The following HK2 variants were observed in gnomAD, a reference collection of about 807,000 sequenced individuals.
The protein encoded by HK2 is hexokinase-2.
HK2 carries 42 observed loss-of-function variants against 92.9 expected under a neutral mutation model. That is an observed-to-expected ratio of 0.45 (90% confidence interval 0.35 to 0.58). The LOEUF (loss-of-function observed/expected upper bound fraction) is 0.58. HK2 is among the 20% of genes least tolerant of loss of function. HK2 has a pLI of 0.00. For synonymous variants in HK2, 422 were observed against 468.0 expected (o/e 0.90, Z 1.27); for missense variants, 978 against 1,245.1 (o/e 0.79, Z 3.23).
chr2:74,877,082 C>T (rs750828308), intron 7 of HK2, 84 bp from the exon 8 acceptor site: 316 of 1,553,996 alleles, frequency 2.0e-4, no homozygotes, highest in African/African-American at 1.8e-3. Flanking sequence ...TGAAGTTGCA[C>T]GTGTGCGCAT....
At chr2:74,840,130 A>G (rs1331504509) in intron 1 of HK2, among the ~76,000 whole-genome samples, 2 of 148,528 alleles carry the variant, frequency 1.3e-5, no homozygotes, top group African/African-American at 2.5e-5. Context: ...TAATTTTTTT[A>G]TATCTTTAGT....
intron 1 of HK2, 101 bp from the exon 2 acceptor site, chr2:74,854,192 G>A (rs1365330340): frequency 5.5e-5 from 60 of 1,096,370 alleles, no homozygotes; most frequent in Non-Finnish European, 7.8e-5. Context: ...GTACATAACA[G>A]ATTTTGTTCT....
chr2:74,860,182 T>G (rs1055434413), intron 2 of HK2, among the ~76,000 whole-genome samples: 5 of 13,978 alleles, frequency 3.6e-4, no homozygotes, highest in Admixed American at 1.2e-3. Flanking sequence ...GGTAGGAGGG[T>G]GGGGGGCATG....
At chr2:74,867,895 A>G (rs1688998515) in intron 3 of HK2, 111 bp downstream of exon 3, 1 of 1,242,286 alleles carries the variant, frequency 8.0e-7, no homozygotes, top group African/African-American at 1.5e-5. Flanking sequence ...CACCCAAGAC[A>G]CTCATGGATG....
At chr2:74,848,543 A>G (rs1313849252) in intron 1 of HK2, among the ~76,000 whole-genome samples, 1 of 152,150 alleles carries the variant, frequency 6.6e-6, no homozygotes, top group Non-Finnish European at 1.5e-5. Flanking sequence ...ATGCCATAAC[A>G]TGGAAGATGC....
At chr2:74,857,979 C>T (rs1469568739) in intron 2 of HK2, among the ~76,000 whole-genome samples, 2 of 152,174 alleles carry the variant, frequency 1.3e-5, no homozygotes, top group East Asian at 3.9e-4. Context: ...CTGTTCAGTG[C>T]CACCTTTCTC....
In HK2 at chr2:74,834,156, G is replaced by T; in HGVS notation, c.-425G>T. 2.9e-6 allele frequency: 1 copy of T among 344,304 alleles called. No homozygotes were observed. Among genetic ancestry groups the T allele is most frequent in the Admixed American group, 3.9e-5 (1 of 25,760 alleles). The allele number at this position is 344,304 out of a possible 1,614,324, so 21.3% of individuals were successfully genotyped here. The stretch of plus-strand genomic sequence containing the variant: ...TGTTGCATGAAACTCCGGCGCAGGA[G>T]TCCCGGGCTGCCGCTGGCAACATCG... On this transcript the variant is annotated 5_prime_UTR_variant, in exon 1 of 18. Transcript: ENST00000290573. The surrounding 1 kb of genome is among the most constrained non-coding windows in gnomAD (Gnocchi z 4.2).
At chr2:74,836,062 T>C (rs1688158964) in intron 1 of HK2, among the ~76,000 whole-genome samples, 1 of 152,208 alleles carries the variant, frequency 6.6e-6, no homozygotes, top group Non-Finnish European at 1.5e-5. Context: ...ATTCCTGGGA[T>C]GTGGCTCTGC....
At chr2:74,875,946 A>G (rs529500821) in intron 7 of HK2, among the ~76,000 whole-genome samples, 2 of 152,342 alleles carry the variant, frequency 1.3e-5, no homozygotes, top group Non-Finnish European at 1.5e-5. Flanking sequence ...AAGTCACTAC[A>G]GACAATTTTT....
intron 2 of HK2, among the ~76,000 whole-genome samples, chr2:74,855,931 A>G (rs3771782): frequency 0.18 from 26,636 of 152,044 alleles, 2,925 homozygotes; most frequent in East Asian, 0.32. Flanking sequence ...TTTAATCCTC[A>G]TAATAGGTGC....
rs1688472886 is a variant in HK2 at position 74,847,617 on chromosome 2, A to AAGGCTGCAGCCTAGGAGTTTG, written c.64-6666_64-6646dup. 3.9e-5 allele frequency among the ~76,000 whole-genome samples: 6 copies of AAGGCTGCAGCCTAGGAGTTTG among 152,248 alleles called. No individual in the cohort carries two copies. In the South Asian group the frequency reaches 8.3e-4, roughly 21 times the overall value. On this transcript the variant is annotated intron_variant, in intron 1 of 17. Transcript: ENST00000290573. ...GGAAGGATCATGAGCCCAGGAGTTT[A>AAGGCTGCAGCCTAGGAGTTTG]AGGCTGCAGCCTAGGAGTTTGAGGC... is the stretch of plus-strand genomic sequence containing the variant.
At position 74,886,676 on chromosome 2, in the gene HK2, A is replaced by C; in HGVS notation, c.2219+3A>C. ...TCACTCAACCCCGGCAAGCAGAGGTAGGCACCCAACTGGGGCCCTGTTAAG... is the reference window on the plus strand; with the variant it reads ...TCACTCAACCCCGGCAAGCAGAGGTCGGCACCCAACTGGGGCCCTGTTAAG... On this transcript the variant is annotated splice_donor_region_variant and intron_variant, in intron 15 of 17. Transcript: ENST00000290573. The C allele has an allele frequency of 1.2e-6, 2 of 1,613,840 alleles. No homozygotes were observed. Among genetic ancestry groups the C allele is most frequent in the Non-Finnish European group, 1.7e-6 (2 of 1,179,948 alleles).
intron 8 of HK2, among the ~76,000 whole-genome samples, chr2:74,877,998 A>G (rs1452616209): frequency 6.6e-6 from 1 of 152,170 alleles, no homozygotes; most frequent in South Asian, 2.1e-4. Context: ...AACAGTGCCA[A>G]TGACTTTGTT....
Position 74,877,196 on chromosome 2 carries a change from G to T in HK2, c.906G>T (p.Met302Ile), listed in dbSNP as rs777873822. The T allele has an allele frequency of 1.2e-6, 2 of 1,614,038 alleles. No homozygotes were observed. Among genetic ancestry groups the T allele is most frequent in the Admixed American group, 1.7e-5 (1 of 60,008 alleles). Residue 302 changes from methionine (M) to isoleucine (I), a missense_variant, in exon 8 of 18, where the codon ATG becomes ATT. Met to Ile is a conservative substitution (Grantham distance 10). Coordinates refer to ENST00000290573, the MANE Select transcript of HK2 (RefSeq NM_000189.5). ...LFEKMISGMY[M>I]GELVRLILVK... ...AGAAGATGATCAGTGGGATGTACATGGGGGAGCTGGTGAGGCTTATCCTGG... is the reference window on the plus strand; with the variant it reads ...AGAAGATGATCAGTGGGATGTACATTGGGGAGCTGGTGAGGCTTATCCTGG...
intron 2 of HK2, among the ~76,000 whole-genome samples, chr2:74,855,338 C>T (rs1394846989): frequency 6.6e-6 from 1 of 152,220 alleles, no homozygotes; most frequent in Non-Finnish European, 1.5e-5. Context: ...CAATACAAAC[C>T]TATTAAGCTT....
rs1205663276 is a variant in HK2 at position 74,881,737 on chromosome 2, C to T, written c.1597C>T (p.Leu533Phe). Residue 533 changes from leucine to phenylalanine, a missense_variant, in exon 11 of 18, where the codon CTT becomes TTT. Physicochemically the swap from Leu to Phe is conservative, Grantham distance 22. Around this residue, in one of 3 missense-constraint regions of HK2, gnomAD observed 742 missense variants for 922.5 expected, o/e 0.80. Coordinates refer to ENST00000290573, the MANE Select transcript of HK2 (RefSeq NM_000189.5). Reference protein sequence around the residue: ...TEKGDFLALDLGGTNFRVLLV... With the variant: ...TEKGDFLALDFGGTNFRVLLV... ...GAAAGGGGACTTCTTGGCCTTGGAC[C>T]TTGGAGGAACAAATTTCCGGGTCCT... 1.2e-6 allele frequency: 2 copies of T among 1,614,046 alleles called. No individual in the cohort carries two copies. The highest frequency in any genetic ancestry group is 1.7e-6 in the Non-Finnish European group (2 of 1,180,030).
At position 74,842,685 on chromosome 2, in the gene HK2, C is replaced by T. The variant is rs542244600; in HGVS notation, c.63+8042C>T. ...TTCCTGAAGCCAGGGAAGAAGGATG[C>T]GTCCACCGTGCTTCTAAAACCTTCT... On this transcript the variant is annotated intron_variant, in intron 1 of 17. Transcript: ENST00000290573. Among the ~76,000 whole-genome samples the T allele has an allele frequency of 9.2e-5, 14 of 152,314 alleles. No homozygotes were observed. The South Asian group carries it at 1.7e-3, about 18-fold the overall frequency.
At chr2:74,873,032 G>T (rs537635572) in intron 4 of HK2, among the ~76,000 whole-genome samples, 1 of 152,300 alleles carries the variant, frequency 6.6e-6, no homozygotes, top group Non-Finnish European at 1.5e-5. Context: ...TTATAATCTT[G>T]TTACCACCGC....
rs141419754 is a variant in HK2, at chr2:74,874,388, G to A, written c.814G>A (p.Asp272Asn). 2.7e-5 allele frequency: 44 copies of A among 1,613,538 alleles called. No individual in the cohort carries two copies. Among genetic ancestry groups the A allele is most frequent in the Middle Eastern group, 1.7e-4 (1 of 6,060 alleles). The change falls in exon 7 of 18, where the codon GAC becomes AAC. Residue 272 changes from aspartate (D) to asparagine (N), a missense_variant. Asp to Asn is a conservative substitution (Grantham distance 23, BLOSUM62 1). Coordinates refer to ENST00000290573, the MANE Select transcript of HK2 (RefSeq NM_000189.5). Reference protein sequence around the residue: ...GAFGDDGSLNDIRTEFDQEID... With the variant: ...GAFGDDGSLNNIRTEFDQEID... ...CTTCGGGGACGATGGCTCGCTCAAC[G>A]ACATTCGCACTGAGTTTGACCAGGA...
Sources: gnomAD v4.1 joint callset for allele counts (sites outside exome capture counted in the v4.1 genomes callset) on GRCh38, gnomAD v4.1.1 for gene constraint, gnomAD v4.1.1 regional missense constraint, Gnocchi (gnomAD v3.1) non-coding constraint, MANE v1.5 for transcripts, NCBI Gene and HGNC (gene_info 2026-07-23, HGNC 2026-07-21) for gene names.